The following PCDH18 variants were observed in gnomAD, a reference collection of about 807,000 sequenced individuals.
PCDH18 encodes the protein protocadherin-18.
PCDH18 carries 38 observed loss-of-function variants against 71.5 expected under a neutral mutation model. The ratio of observed to expected loss-of-function variants is 0.53; its 90% CI spans 0.41 to 0.70. The LOEUF (loss-of-function observed/expected upper bound fraction) is 0.70. Ranked by LOEUF, PCDH18 falls within the 30% of genes least tolerant of loss-of-function variation. The pLI is 0.00. For missense variants in PCDH18, 1,334 were observed against 1,384.6 expected (o/e 0.96, Z 0.58); for synonymous variants, 565 against 505.4 (o/e 1.12, Z -1.58).
intron 3 of PCDH18, among the ~76,000 whole-genome samples, chr4:137,527,167 C>T (rs549682251): frequency 1.3e-5 from 2 of 152,132 alleles, no homozygotes; most frequent in Non-Finnish European, 2.9e-5. Flanking sequence ...CTTATGAGTG[C>T]TCGAGTTTCT....
intron 3 of PCDH18, among the ~76,000 whole-genome samples, chr4:137,526,982 A>T (rs919579639): frequency 1.4e-5 from 2 of 146,562 alleles, no homozygotes; most frequent in African/African-American, 5.0e-5. Context: ...AAAAAAAAAT[A>T]GAAGCCTGTT....
chr4:137,528,462 A>G lies in PCDH18; in HGVS notation c.2740+16T>C, dbSNP rs1731542525. On this transcript the variant is annotated intron_variant, in intron 3 of 3. Transcript: ENST00000344876. ...GTAGACCTGAAAATAAAGATTTTCT[A>G]TCACTACCCTCTTACCTGCTGGAAT... The G allele has an allele frequency of 6.2e-7, 1 of 1,608,184 alleles. No homozygotes were observed. Among genetic ancestry groups the G allele is most frequent in the Non-Finnish European group, 8.5e-7 (1 of 1,176,710 alleles).
Position 137,520,998 on chromosome 4 carries a change from C to T in PCDH18, c.*31G>A. On this transcript the variant is annotated 3_prime_UTR_variant, in exon 4 of 4. Transcript: ENST00000344876. ...TGTTGTTGTTCCCTATTTCCATATACATGGAAACAAAAATGCTTCGCTAAA... is the reference window on the plus strand; with the variant it reads ...TGTTGTTGTTCCCTATTTCCATATATATGGAAACAAAAATGCTTCGCTAAA... The T allele has an allele frequency of 1.3e-6, 2 of 1,487,912 alleles. No homozygotes were observed. Among genetic ancestry groups the T allele is most frequent in the South Asian group, 2.6e-5 (2 of 76,242 alleles). 92.2% of individuals were successfully genotyped at this position (1,487,912 alleles called of 1,614,324 possible).
intron 3 of PCDH18, among the ~76,000 whole-genome samples, chr4:137,526,931 C>T (rs536342580): frequency 1.4e-5 from 2 of 147,354 alleles, no homozygotes; most frequent in Non-Finnish European, 3.0e-5. Flanking sequence ...CATTTTCTAA[C>T]CTTTATAACT....
chr4:137,524,168 T>C (rs922592391), intron 3 of PCDH18, among the ~76,000 whole-genome samples: 1 of 152,152 alleles, frequency 6.6e-6, no homozygotes, highest in Admixed American at 6.6e-5. Context: ...TTATAGGTAG[T>C]TAAGTGTCCT....
chr4:137,528,134 T>A, intron 3 of PCDH18, among the ~76,000 whole-genome samples: 1 of 152,168 alleles, frequency 6.6e-6, no homozygotes, highest in African/African-American at 2.4e-5. Context: ...CCAATAATTT[T>A]GCAAAGAGTT....
At position 137,530,457 on chromosome 4, in the gene PCDH18, C is replaced by A; in HGVS notation, c.1632G>T (p.Val544=). The A allele has an allele frequency of 6.2e-7, 1 of 1,614,092 alleles. No homozygotes were observed. Among genetic ancestry groups the A allele is most frequent in the Non-Finnish European group, 8.5e-7 (1 of 1,179,992 alleles). The part of the protein sequence containing the change: ...DHEEVSQITF[V]VEARDGGSPK... ...GGCTTCCTCCATCTCTTGCTTCTAC[C>A]ACAAAAGTGATCTGACTCACTTCTT... is the stretch of plus-strand genomic sequence containing the variant. Residue 544 remains valine, a synonymous_variant, in exon 1 of 4, where the codon GTG becomes GTT. Coordinates refer to ENST00000344876, the MANE Select transcript of PCDH18 (RefSeq NM_019035.5).
At chr4:137,523,311 A>C (rs967461756) in intron 3 of PCDH18, among the ~76,000 whole-genome samples, 2 of 151,998 alleles carry the variant, frequency 1.3e-5, no homozygotes, top group Non-Finnish European at 2.9e-5. Context: ...GACTTCATGC[A>C]GTATTACTAC....
At chr4:137,528,673 G>GT in intron 2 of PCDH18, 32 bp from the exon 3 acceptor site, 1 of 1,610,216 alleles carries the variant, frequency 6.2e-7, no homozygotes, top group Non-Finnish European at 8.5e-7. Flanking sequence ...AAAAATTACA[G>GT]TTTTTACTCT....
In PCDH18 at chr4:137,529,954, A is replaced by G; in HGVS notation, c.2135T>C (p.Val712Ala). The G allele has an allele frequency of 6.2e-7, 1 of 1,613,904 alleles. No homozygotes were observed. Among genetic ancestry groups the G allele is most frequent in the Non-Finnish European group, 8.5e-7 (1 of 1,179,828 alleles). ...IIISLGAICA[V>A]LLVIMVLFAT... ...AAATAGCACCATAATAACCAGCAAC[A>G]CTGCACAAATTGCTCCTAAGGAAAT... is the stretch of plus-strand genomic sequence containing the variant. The change falls in exon 1 of 4, where the codon GTG becomes GCG. Residue 712 changes from valine (V) to alanine (A), a missense_variant. Around this residue, in one of 3 missense-constraint regions of PCDH18, gnomAD observed 1,011 missense variants for 1,048.0 expected, o/e 0.96. Coordinates refer to ENST00000344876, the MANE Select transcript of PCDH18 (RefSeq NM_019035.5).
intron 3 of PCDH18, among the ~76,000 whole-genome samples, chr4:137,526,563 G>A (rs1254088814): frequency 6.6e-6 from 1 of 151,932 alleles, no homozygotes; most frequent in African/African-American, 2.4e-5. Flanking sequence ...CTTCAAATTG[G>A]TCAAGAAAGT....
chr4:137,527,161 T>G (rs890299201), intron 3 of PCDH18, among the ~76,000 whole-genome samples: 1 of 152,046 alleles, frequency 6.6e-6, no homozygotes, highest in Non-Finnish European at 1.5e-5. Flanking sequence ...ACTTCACTTA[T>G]GAGTGCTCGA....
intron 3 of PCDH18, among the ~76,000 whole-genome samples, chr4:137,525,458 A>C (rs1731420867): frequency 6.6e-6 from 1 of 152,114 alleles, no homozygotes; most frequent in Non-Finnish European, 1.5e-5. Context: ...ATTTTTCTCT[A>C]CTTGGGATAT....
rs140999375 is a variant in PCDH18 at position 137,521,461 on chromosome 4, G to T, written c.2976C>A (p.Asn992Lys). The part of the protein sequence containing the change: ...SFSTFGKDSP[N>K]DEDTGDTSTS... ...TGCTGGTATCCCCAGTGTCCTCATCGTTTGGGGAGTCCTTTCCAAAGGTGG... is the reference window on the plus strand; with the variant it reads ...TGCTGGTATCCCCAGTGTCCTCATCTTTTGGGGAGTCCTTTCCAAAGGTGG... Residue 992 changes from asparagine (N) to lysine (K), a missense_variant, in exon 4 of 4, where the codon AAC becomes AAA. Physicochemically the swap from Asn to Lys is moderately conservative, Grantham distance 94 (BLOSUM62 0). Around this residue, in one of 3 missense-constraint regions of PCDH18, gnomAD observed 319 missense variants for 316.3 expected, o/e 1.01. Transcript: ENST00000344876. 6.9e-4 allele frequency: 1,113 copies of T among 1,614,128 alleles called. 5 individuals carry two copies. In the African/African-American group the frequency reaches 0.012, roughly 17 times the overall value.
rs375921548 is a variant in PCDH18 at position 137,528,717 on chromosome 4, A to T, written c.2576+15T>A. On this transcript the variant is annotated intron_variant, in intron 2 of 3. Transcript: ENST00000344876. ...TATGTTGAAACTTAATAGGTAACAC[A>T]AGAATAATTCATACCTGTAGCTCCT... 2.5e-6 allele frequency: 4 copies of T among 1,609,640 alleles called. No individual in the cohort carries two copies. The highest frequency in any genetic ancestry group is 1.3e-5 in the African/African-American group (1 of 74,930).
chr4:137,531,875 C>T lies in PCDH18; in HGVS notation c.214G>A (p.Gly72Arg), dbSNP rs1288677400. 3.1e-6 allele frequency: 5 copies of T among 1,613,450 alleles called. No individual in the cohort carries two copies. The South Asian group carries it at 5.5e-5, about 18-fold the overall frequency. ...STVRFRAMQR[G>R]NSPLLVVNED... ...TTTACTACAAGTAGAGGAGAATTTC[C>T]CCTCTGCATGGCTCGAAATCGAACA... The change falls in exon 1 of 4, where the codon GGA (glycine) becomes AGA (arginine). Residue 72 changes from glycine to arginine, a missense_variant. This residue lies in a region of PCDH18 where 1,011 missense variants were observed against 1,048.0 expected (regional missense o/e 0.96). Transcript: ENST00000344876.
At position 137,529,652 on chromosome 4, in the gene PCDH18, C is replaced by G; in HGVS notation, c.2437G>C (p.Val813Leu). 1 of 1,613,026 alleles carries G rather than the reference C, an allele frequency of 6.2e-7. No individual in the cohort carries two copies. Among genetic ancestry groups the G allele is most frequent in the South Asian group, 1.1e-5 (1 of 90,960 alleles). ...NSLVTISSNH[V>L]PENFSLELTH... ...AGTTCTAATGAGAAATTCTCTGGCA[C>G]GTGGTTTGATGAGATTGTCACCAAA... Residue 813 changes from valine (V) to leucine (L), a missense_variant, in exon 1 of 4, where the codon GTG becomes CTG. By Grantham distance (32) the Val-to-Leu change is conservative. This residue lies in a region of PCDH18 where 1,011 missense variants were observed against 1,048.0 expected (regional missense o/e 0.96). Transcript: ENST00000344876.
Position 137,531,246 on chromosome 4 carries a change from A to T in PCDH18, c.843T>A (p.Ile281=), listed in dbSNP as rs534073777. The change falls in exon 1 of 4, where the codon ATT becomes ATA. Residue 281 remains isoleucine (I), a synonymous_variant. Coordinates refer to ENST00000344876, the MANE Select transcript of PCDH18 (RefSeq NM_019035.5). ...ACACATGACTGCTGAAGGAATATAC[A>T]ATTTTCCCATTAGCGCCCTCATCTG... ...TDPDEGANGK[I]VYSFSSHVSP... is the part of the protein sequence containing the mutation. 6.2e-7 allele frequency: 1 copy of T among 1,613,590 alleles called. No individual in the cohort carries two copies. Among genetic ancestry groups the T allele is most frequent in the South Asian group, 1.1e-5 (1 of 91,046 alleles).
chr4:137,521,104 C>G lies in PCDH18; in HGVS notation c.3333G>C (p.Gly1111=), dbSNP rs747165477. 1.2e-6 allele frequency: 2 copies of G among 1,613,972 alleles called. No homozygotes were observed. Among genetic ancestry groups the G allele is most frequent in the Non-Finnish European group, 1.7e-6 (2 of 1,179,840 alleles). Residue 1111 remains glycine (G), a synonymous_variant, in exon 4 of 4, where the codon GGG becomes GGC. Transcript: ENST00000344876. ...FDNVLNHLND[G]KHELMDASEL... ...CACTGGCATCCATGAGTTCGTGTTT[C>G]CCATCATTGAGGTGGTTGAGCACAT...
Sources: gnomAD v4.1 joint callset for allele counts (sites outside exome capture counted in the v4.1 genomes callset) on GRCh38, gnomAD v4.1.1 for gene constraint, gnomAD v4.1.1 regional missense constraint, MANE v1.5 for transcripts, NCBI Gene and HGNC (gene_info 2026-07-23, HGNC 2026-07-21) for gene names.